Variants in ZFR observed in about 807,000 individuals in gnomAD.
ZFR encodes zinc finger RNA binding protein.
In ZFR, 19 loss-of-function variants were observed where a neutral mutation model predicts 130.7. The ratio of observed to expected loss-of-function variants is 0.15; its 90% confidence interval spans 0.10 to 0.21. The LOEUF (loss-of-function observed/expected upper bound fraction) is 0.21, where lower values mean the gene tolerates loss of function less well. ZFR is among the 10% of genes least tolerant of loss of function. The pLI is 1.00. For synonymous variants in ZFR, 466 were observed against 456.9 expected (o/e 1.02, Z -0.25); for missense variants, 872 against 1,321.5 (o/e 0.66, Z 5.27).
At position 32,415,029 on chromosome 5, in the gene ZFR, T is replaced by C; in HGVS notation, c.724A>G (p.Thr242Ala). ...STVQPVAAAA[T>A]VVPSYTQSAT... ...CTCTGAGTATAGGATGGCACCACAGTAGCCGCAGCTGCTACTGGCTGTACG... is the reference window on the plus strand; with the variant it reads ...CTCTGAGTATAGGATGGCACCACAGCAGCCGCAGCTGCTACTGGCTGTACG... The change falls in exon 5 of 20, where the codon ACT (threonine) becomes GCT (alanine). Residue 242 changes from threonine to alanine, a missense_variant. This residue lies in a region of ZFR where 240 missense variants were observed against 441.2 expected (regional missense o/e 0.54). Coordinates refer to ENST00000265069, the MANE Select transcript of ZFR (RefSeq NM_016107.5). The C allele has an allele frequency of 5.0e-6, 8 of 1,614,136 alleles. No homozygotes were observed. Among genetic ancestry groups the C allele is most frequent in the Non-Finnish European group, 6.8e-6 (8 of 1,179,988 alleles).
At chr5:32,396,768 A>T (rs1186358130) in intron 10 of ZFR, among the ~76,000 whole-genome samples, 1 of 152,132 alleles carries the variant, frequency 6.6e-6, no homozygotes, top group Non-Finnish European at 1.5e-5. Flanking sequence ...CTTCAAATAC[A>T]ATATCTGATT....
chr5:32,404,226 G>A (rs1753530469), intron 6 of ZFR, 129 bp from the exon 7 acceptor site: 1 of 712,906 alleles, frequency 1.4e-6, no homozygotes, highest in Non-Finnish European at 2.3e-6. Context: ...AGTTGAAAAA[G>A]GGCATGTGGC....
intron 19 of ZFR, among the ~76,000 whole-genome samples, chr5:32,361,381 T>C (rs1465162778): frequency 2.6e-5 from 4 of 152,224 alleles, no homozygotes; most frequent in African/African-American, 7.2e-5. Flanking sequence ...GCCAGTACCG[T>C]TTCTCTACTT....
chr5:32,433,758 G>A (rs1198911205), intron 2 of ZFR, among the ~76,000 whole-genome samples: 1 of 152,196 alleles, frequency 6.6e-6, no homozygotes, highest in African/African-American at 2.4e-5. Flanking sequence ...ACCATATCAA[G>A]TATATTTTAG....
In ZFR at chr5:32,444,708, T is replaced by G; in HGVS notation, c.-50A>C. On this transcript the variant is annotated 5_prime_UTR_variant, in exon 1 of 20. Transcript: ENST00000265069. ...TCTGAACTCTCACCCGCTGCCTCCC[T>G]CCTCTGCCCCGCTCCTCCTCAGCGG... 1 of 1,498,792 alleles carries G rather than the reference T, an allele frequency of 6.7e-7. No homozygotes were observed. Among genetic ancestry groups the G allele is most frequent in the Non-Finnish European group, 8.9e-7 (1 of 1,123,926 alleles). The allele number at this position is 1,498,792 out of a possible 1,614,324, so 92.8% of individuals were successfully genotyped here. A position where few individuals can be genotyped will look rare whatever the true frequency, so the allele number is the denominator to read the frequency against.
chr5:32,365,222 T>C (rs761298214), intron 17 of ZFR, among the ~76,000 whole-genome samples: 6 of 152,196 alleles, frequency 3.9e-5, no homozygotes, highest in Non-Finnish European at 8.8e-5. Flanking sequence ...TTGGAACCAC[T>C]ATGAAATCCT....
At chr5:32,373,283 C>T (rs1212634344) in intron 17 of ZFR, among the ~76,000 whole-genome samples, 2 of 152,094 alleles carry the variant, frequency 1.3e-5, no homozygotes, top group East Asian at 1.9e-4. Context: ...ATCCCAGCTA[C>T]TCAGGATGCT....
At chr5:32,400,559 A>G (rs1414626866) in intron 8 of ZFR, among the ~76,000 whole-genome samples, 2 of 152,188 alleles carry the variant, frequency 1.3e-5, no homozygotes, top group East Asian at 3.8e-4. Flanking sequence ...AAAAACTGCT[A>G]ACTTCCAGTT....
At chr5:32,403,594 T>C (rs1321761061) in intron 7 of ZFR, among the ~76,000 whole-genome samples, 197 bp from the exon 8 acceptor site, 1 of 152,212 alleles carries the variant, frequency 6.6e-6, no homozygotes, top group Non-Finnish European at 1.5e-5. Context: ...TGCATACATA[T>C]TCCATCTACT....
At chr5:32,400,311 C>T (rs1753420262) in intron 8 of ZFR, 108 bp from the exon 9 acceptor site, 11 of 768,676 alleles carry the variant, frequency 1.4e-5, no homozygotes, top group Admixed American at 3.6e-5. Context: ...AGTCAAACTC[C>T]TAACTGACAT....
chr5:32,379,178 A>G lies in ZFR; in HGVS notation c.2772T>C (p.Ile924=). ...AGAGGTCTCGAAGAATGCGTATGAT[A>G]ATCACACAGGACTGCAGACCATTAG... ...ARANGLQSCV[I]IIRILRDLCQ... Residue 924 remains isoleucine, a synonymous_variant, in exon 17 of 20, where the codon ATT becomes ATC. Coordinates refer to ENST00000265069, the MANE Select transcript of ZFR (RefSeq NM_016107.5). 1 of 1,614,038 alleles carries G rather than the reference A, an allele frequency of 6.2e-7. No individual in the cohort carries two copies. Among genetic ancestry groups the G allele is most frequent in the Non-Finnish European group, 8.5e-7 (1 of 1,179,970 alleles).
chr5:32,420,408 A>C (rs1753925645), intron 2 of ZFR, among the ~76,000 whole-genome samples: 1 of 152,224 alleles, frequency 6.6e-6, no homozygotes, highest in South Asian at 2.1e-4. Context: ...GATAAAAAAC[A>C]GTATTAGGAA....
intron 2 of ZFR, among the ~76,000 whole-genome samples, chr5:32,437,087 C>G (rs2111868521): frequency 6.6e-6 from 1 of 152,308 alleles, no homozygotes; most frequent in South Asian, 2.1e-4. Context: ...ATCATGCAAT[C>G]CAGATATTTG....
rs879195852 is a variant in ZFR at position 32,397,080 on chromosome 5, A to G, written c.1833+139T>C. ...CAAACATCCATCTGAGTCTACCAAC[A>G]TGACATGCTAATCTTAGAATGGGAC... On this transcript the variant is annotated intron_variant, in intron 10 of 19. Coordinates refer to ENST00000265069, the MANE Select transcript of ZFR (RefSeq NM_016107.5). 12 of 899,600 alleles carry G rather than the reference A, an allele frequency of 1.3e-5. No homozygotes were observed. In the South Asian group the frequency reaches 2.2e-4, roughly 17 times the overall value. The allele number at this position is 899,600 out of a possible 1,614,324, so 55.7% of individuals were successfully genotyped here. A position where few individuals can be genotyped will look rare whatever the true frequency, so the allele number is the denominator to read the frequency against.
At chr5:32,375,320 CAAAT>C (rs1483181396) in intron 17 of ZFR, among the ~76,000 whole-genome samples, 1 of 152,118 alleles carries the variant, frequency 6.6e-6, no homozygotes, top group Non-Finnish European at 1.5e-5. Flanking sequence ...GTAAATATCT[CAAAT>C]AAAAGGCTAT....
chr5:32,413,558 A>T (rs1753756730), intron 5 of ZFR, among the ~76,000 whole-genome samples: 1 of 152,042 alleles, frequency 6.6e-6, no homozygotes, highest in South Asian at 2.1e-4. Context: ...AATTATCTTC[A>T]TACTGTATAG....
chr5:32,431,877 C>T (rs1754232593), intron 2 of ZFR, among the ~76,000 whole-genome samples: 1 of 151,930 alleles, frequency 6.6e-6, no homozygotes, highest in East Asian at 1.9e-4. Context: ...TTTACTGTTT[C>T]CCAGTAAGTG....
At chr5:32,416,905 A>AT (rs1362511812) in intron 4 of ZFR, among the ~76,000 whole-genome samples, 5 of 52,846 alleles carry the variant, frequency 9.5e-5, no homozygotes, top group East Asian at 4.3e-4. Context: ...GGAAGTGCCC[A>AT]TTTTTTTTCT....
chr5:32,391,464 CAG>C (rs1159886250), intron 11 of ZFR, among the ~76,000 whole-genome samples: 25 of 151,670 alleles, frequency 1.6e-4, no homozygotes, highest in Non-Finnish European at 1.0e-4. Flanking sequence ...GAGCTGAACT[CAG>C]AATGTGGGCA....
Sources: allele counts gnomAD v4.1 joint callset (sites outside exome capture counted in the v4.1 genomes callset), GRCh38; gene constraint gnomAD v4.1.1; regional missense constraint gnomAD v4.1.1; transcripts MANE v1.5; gene names NCBI Gene and HGNC (gene_info 2026-07-23, HGNC 2026-07-21).